The following URGCP variants were observed in gnomAD, a reference collection of about 807,000 sequenced individuals.
URGCP encodes up-regulator of cell proliferation.
A neutral mutation model predicts 24.6 loss-of-function variants in URGCP; 13 were observed. That is an observed-to-expected ratio of 0.53 (90% CI 0.34 to 0.84). URGCP has a LOEUF of 0.84. Among genes scored for constraint, URGCP ranks in the 40% least tolerant of loss-of-function variants. The pLI, the probability that URGCP is intolerant of heterozygous loss-of-function variation, is 0.01. For synonymous variants in URGCP, 444 were observed against 487.2 expected, an observed-to-expected ratio of 0.91 and a Z score of 1.17; for missense variants, 899 against 1,194.3, an observed-to-expected ratio of 0.75 and a Z score of 3.64.
Position 43,878,170 on chromosome 7 carries a change from G to T in URGCP, c.1293C>A (p.Ile431=). ...GCAGCACATTCCCAACGATGGCCCG[G>T]ATCCTCTTCACGAAGCTGTCGCTGT... ...STDSDSFVKR[I]RAIVGNVLRA... is the part of the protein sequence containing the mutation. The change falls in exon 6 of 6, where the codon ATC becomes ATA. Residue 431 remains isoleucine (I), a synonymous_variant. Coordinates refer to ENST00000453200, the MANE Select transcript of URGCP (RefSeq NM_001077663.3). The surrounding 1 kb of genome is among the most constrained non-coding windows in gnomAD (Gnocchi z 5.6). 5 of 1,614,244 alleles carry T rather than the reference G, an allele frequency of 3.1e-6. No individual in the cohort carries two copies. Among genetic ancestry groups the T allele is most frequent in the Non-Finnish European group, 4.2e-6 (5 of 1,180,048 alleles).
Position 43,878,305 on chromosome 7 carries a change from G to A in URGCP, c.1158C>T (p.Ile386=). 6.2e-7 allele frequency: 1 copy of A among 1,614,218 alleles called. No homozygotes were observed. Among genetic ancestry groups the A allele is most frequent in the African/African-American group, 1.3e-5 (1 of 75,050 alleles). ...MKESTTKYYF[I]LSPYRGKRNT... ...TGCGCTTCCCACGGTAGGGACTCAG[G>A]ATGAAGTAGTATTTTGTGGTTGACT... Residue 386 remains isoleucine (I), a synonymous_variant, in exon 6 of 6, where the codon ATC becomes ATT. Transcript: ENST00000453200. This position sits in a 1 kb window ranked among gnomAD's most constrained non-coding sequence, Gnocchi z 5.6.
At chr7:43,900,216 AG>A (rs58886266) in intron 1 of URGCP, among the ~76,000 whole-genome samples, 4,045 of 151,912 alleles carry the variant, frequency 0.027, 203 homozygotes, top group African/African-American at 0.093. Flanking sequence ...CACCTTGGGG[AG>A]GCCAAGGCAG....
chr7:43,880,817 G>C (rs574835035), intron 5 of URGCP, among the ~76,000 whole-genome samples: 1 of 152,330 alleles, frequency 6.6e-6, no homozygotes, highest in South Asian at 2.1e-4. Context: ...AGGAAGCAAC[G>C]TGTATGATAC....
At chr7:43,898,995 G>A (rs997991971) in intron 1 of URGCP, among the ~76,000 whole-genome samples, 17 of 149,468 alleles carry the variant, frequency 1.1e-4, no homozygotes, top group African/African-American at 1.9e-4. Context: ...TTAGCCAGGC[G>A]TGGTGGCGCA....
Position 43,876,443 on chromosome 7 carries a change from C to G in URGCP, c.*224G>C, listed in dbSNP as rs1247739599. On this transcript the variant is annotated 3_prime_UTR_variant, in exon 6 of 6. Coordinates refer to ENST00000453200, the MANE Select transcript of URGCP (RefSeq NM_001077663.3). ...ACAAACTGCTGCTTGTCTCCCTACC[C>G]TGGGGGCTGTGATATTCTTGGTAAC... is the stretch of plus-strand genomic sequence containing the variant. The G allele has an allele frequency of 3.5e-6, 2 of 574,852 alleles. No homozygotes were observed. Among genetic ancestry groups the G allele is most frequent in the Non-Finnish European group, 6.1e-6 (2 of 325,700 alleles). 35.6% of individuals were successfully genotyped at this position (574,852 alleles called of 1,614,324 possible). A position where few individuals can be genotyped will look rare whatever the true frequency, so the allele number is the denominator to read the frequency against.
chr7:43,894,617 C>T (rs935750293), intron 1 of URGCP, among the ~76,000 whole-genome samples: 5 of 152,220 alleles, frequency 3.3e-5, no homozygotes, highest in African/African-American at 1.2e-4. Context: ...GTCTCGGTCT[C>T]CCAAAGTGCT....
intron 1 of URGCP, among the ~76,000 whole-genome samples, chr7:43,897,360 C>G (rs2095880502): frequency 6.6e-6 from 1 of 152,130 alleles, no homozygotes; most frequent in Non-Finnish European, 1.5e-5. Flanking sequence ...CGTGTTAGTA[C>G]TGGTTTGGAA....
chr7:43,906,435 C>CCTGGCGGGT, intron 1 of URGCP, 127 bp downstream of exon 1: 1 of 1,000,618 alleles, frequency 1.0e-6, no homozygotes, highest in Non-Finnish European at 1.2e-6. Context: ...GCCTGGCGGG[C>CCTGGCGGGT]GGGGGCGCCC....
chr7:43,923,102 G>A (rs1239851453), intron 1 of URGCP, among the ~76,000 whole-genome samples: 2 of 151,752 alleles, frequency 1.3e-5, no homozygotes, highest in East Asian at 1.9e-4. Context: ...TCCTGCTTCA[G>A]CCTCCCAACT....
intron 1 of URGCP, among the ~76,000 whole-genome samples, chr7:43,913,806 C>T (rs1044529823): frequency 1.3e-5 from 2 of 152,098 alleles, no homozygotes; most frequent in Non-Finnish European, 2.9e-5. Flanking sequence ...TCAAGTGATT[C>T]TCCTGCCTCA....
intron 1 of URGCP, among the ~76,000 whole-genome samples, chr7:43,891,791 T>C (rs1477965884): frequency 6.6e-6 from 1 of 151,798 alleles, no homozygotes; most frequent in African/African-American, 2.4e-5. Context: ...CTTTTTGTAT[T>C]TTTTTCCCCC....
Position 43,878,537 on chromosome 7 carries a change from T to A in URGCP, c.926A>T (p.Asp309Val). Residue 309 changes from aspartate to valine, a missense_variant, in exon 6 of 6, where the codon GAT (aspartate) becomes GTT (valine). Asp to Val is a radical substitution (Grantham distance 152). Transcript: ENST00000453200. The surrounding 1 kb of genome is among the most constrained non-coding windows in gnomAD (Gnocchi z 5.6). ...NLGTNAREIS[D>V]GLVEISWFFP... Reference sequence around the variant, plus strand: ...AAACCAGGAAATTTCTACCAACCCATCCGAAATCTCCCGGGCATTGGTGCC... The same window carrying A: ...AAACCAGGAAATTTCTACCAACCCAACCGAAATCTCCCGGGCATTGGTGCC... 1 of 1,614,140 alleles carries A rather than the reference T, an allele frequency of 6.2e-7. No homozygotes were observed. Among genetic ancestry groups the A allele is most frequent in the Non-Finnish European group, 8.5e-7 (1 of 1,180,018 alleles).
intron 1 of URGCP, among the ~76,000 whole-genome samples, chr7:43,923,059 T>C (rs919817651): frequency 1.3e-5 from 2 of 151,704 alleles, no homozygotes; most frequent in Admixed American, 1.3e-4. Context: ...TCTCGGCTCA[T>C]TGCAACCTCT....
At chr7:43,919,783 G>A in intron 1 of URGCP, 2 of 1,338,998 alleles carry the variant, frequency 1.5e-6, no homozygotes, top group Non-Finnish European at 2.2e-6. Flanking sequence ...GCCCTGTCGA[G>A]GAAGTCTCCT....
chr7:43,891,992 G>C (rs899408590), intron 1 of URGCP, among the ~76,000 whole-genome samples: 9 of 152,158 alleles, frequency 5.9e-5, no homozygotes, highest in African/African-American at 2.2e-4. Flanking sequence ...ATGTTGGCCA[G>C]GCTGGTCTCA....
At chr7:43,894,098 A>C (rs1181438491) in intron 1 of URGCP, among the ~76,000 whole-genome samples, 2 of 152,218 alleles carry the variant, frequency 1.3e-5, no homozygotes, top group African/African-American at 4.8e-5. Context: ...AACAAATATT[A>C]GAGCTAAAGA....
At chr7:43,886,681 A>G (rs748275545) in intron 3 of URGCP, among the ~76,000 whole-genome samples, 6 of 152,218 alleles carry the variant, frequency 3.9e-5, no homozygotes, top group Non-Finnish European at 7.3e-5. Flanking sequence ...TGAACCCAGG[A>G]GGTGGAAGCT....
At chr7:43,923,329 T>C (rs1300702019) in intron 1 of URGCP, among the ~76,000 whole-genome samples, 2 of 149,336 alleles carry the variant, frequency 1.3e-5, no homozygotes, top group South Asian at 2.1e-4. Context: ...CTCTGTCTCC[T>C]GGGCTGGAGT....
chr7:43,891,238 C>A (rs1044835592), intron 1 of URGCP, among the ~76,000 whole-genome samples: 2 of 152,194 alleles, frequency 1.3e-5, no homozygotes, highest in African/African-American at 4.8e-5. Context: ...TTTCTAGCAA[C>A]AAAACTGGTT....
Sources: allele counts gnomAD v4.1 joint callset (sites outside exome capture counted in the v4.1 genomes callset), GRCh38; gene constraint gnomAD v4.1.1; non-coding constraint Gnocchi (gnomAD v3.1); transcripts MANE v1.5; gene names NCBI Gene and HGNC (gene_info 2026-07-23, HGNC 2026-07-21).